Variants in TMCO4 observed in about 807,000 individuals in gnomAD.
The protein encoded by TMCO4 is transmembrane and coiled-coil domain-containing protein 4.
A neutral mutation model predicts 64.7 loss-of-function variants in TMCO4; 58 were observed. The observed-to-expected ratio is 0.90, with a 90% CI of 0.73 to 1.12. The LOEUF is 1.12. Ranked by LOEUF, TMCO4 falls within the 50% of genes most tolerant of loss-of-function variation. The probability of loss-of-function intolerance (pLI) is 0.00; values close to 1 mark genes in which losing one functional copy is unlikely to be tolerated. For missense variants in TMCO4, 780 were observed against 825.9 expected, an observed-to-expected ratio of 0.94 and a Z score of 0.68; for synonymous variants, 325 against 346.1, an observed-to-expected ratio of 0.94 and a Z score of 0.68.
At chr1:19,691,558 C>G (rs11581012) in intron 15 of TMCO4, among the ~76,000 whole-genome samples, 96,755 of 152,116 alleles carry the variant, frequency 0.64, 31,089 homozygotes, top group Non-Finnish European at 0.66. Context: ...TGTGGTGGCA[C>G]GGGTGGGTCT....
At chr1:19,790,441 G>C (rs562288494) in intron 2 of TMCO4, among the ~76,000 whole-genome samples, 2 of 152,030 alleles carry the variant, frequency 1.3e-5, no homozygotes, top group South Asian at 4.2e-4. Flanking sequence ...CTAATATCAA[G>C]GAACTTAAGC....
At position 19,734,912 on chromosome 1, in the gene TMCO4, T is replaced by G. The variant is rs1231806620; in HGVS notation, c.1264+2460A>C. On this transcript the variant is annotated intron_variant, in intron 13 of 15. Coordinates refer to ENST00000294543, the MANE Select transcript of TMCO4 (RefSeq NM_181719.7). The surrounding 1 kb of genome is among the most constrained non-coding windows in gnomAD (Gnocchi z 4.4). Reference sequence around the variant, plus strand: ...CAGTGAGGGAGGAATGTGATCACACTTGCAAGTGCTTGGAACACAGCCTGG... The same window carrying G: ...CAGTGAGGGAGGAATGTGATCACACGTGCAAGTGCTTGGAACACAGCCTGG... Among the ~76,000 whole-genome samples the G allele has an allele frequency of 6.6e-6, 1 of 152,066 alleles. No homozygotes were observed. The highest frequency in any genetic ancestry group is 2.4e-5 in the African/African-American group (1 of 41,406).
intron 2 of TMCO4, among the ~76,000 whole-genome samples, chr1:19,788,275 G>T (rs116630321): frequency 0.023 from 3,540 of 152,248 alleles, 142 homozygotes; most frequent in African/African-American, 0.081. Context: ...TGGAAGAACA[G>T]CCTCCAAAAT....
chr1:19,762,673 C>T (rs536790199), intron 6 of TMCO4, among the ~76,000 whole-genome samples: 1 of 152,382 alleles, frequency 6.6e-6, no homozygotes, highest in South Asian at 2.1e-4. Context: ...TGCACCCACA[C>T]AGGTTGTGAT....
intron 2 of TMCO4, among the ~76,000 whole-genome samples, chr1:19,791,960 C>A (rs1487080593): frequency 6.6e-6 from 1 of 152,132 alleles, no homozygotes; most frequent in African/African-American, 2.4e-5. Flanking sequence ...GTGAGTCTTT[C>A]CTGTGCTATT....
intron 6 of TMCO4, among the ~76,000 whole-genome samples, chr1:19,768,967 C>T (rs2042865400): frequency 6.6e-6 from 1 of 152,170 alleles, no homozygotes; most frequent in African/African-American, 2.4e-5. Flanking sequence ...CAAGAATCCC[C>T]AAGGTAGGGT....
At chr1:19,731,586 G>C (rs896324830) in intron 13 of TMCO4, among the ~76,000 whole-genome samples, 11 of 152,228 alleles carry the variant, frequency 7.2e-5, no homozygotes, top group Non-Finnish European at 1.2e-4. Flanking sequence ...GAGCCCTGTG[G>C]CCCATCATCT....
intron 2 of TMCO4, among the ~76,000 whole-genome samples, chr1:19,791,141 A>C (rs1034482336): frequency 9.9e-5 from 15 of 152,064 alleles, no homozygotes; most frequent in African/African-American, 3.6e-4. Context: ...GAGAACACAC[A>C]CTGGGGCCTG....
intron 6 of TMCO4, among the ~76,000 whole-genome samples, chr1:19,768,839 A>G (rs532533513): frequency 1.9e-4 from 29 of 151,978 alleles, no homozygotes; most frequent in African/African-American, 6.8e-4. Context: ...GAGACTCTGT[A>G]TTTCTCACAA....
At chr1:19,716,861 C>T (rs533266459) in intron 13 of TMCO4, among the ~76,000 whole-genome samples, 2 of 152,214 alleles carry the variant, frequency 1.3e-5, no homozygotes, top group East Asian at 1.9e-4. Flanking sequence ...ATGCTGGAGC[C>T]GCCAGCCTCA....
intron 15 of TMCO4, among the ~76,000 whole-genome samples, chr1:19,684,525 C>T (rs1451819494): frequency 6.6e-6 from 1 of 152,182 alleles, no homozygotes. Context: ...TGGCTCTCAA[C>T]TTCCTCCGCT....
chr1:19,703,438 C>A (rs1557478790), intron 13 of TMCO4, among the ~76,000 whole-genome samples: 2 of 151,434 alleles, frequency 1.3e-5, no homozygotes, highest in Non-Finnish European at 2.9e-5. Flanking sequence ...TTTTTCTTTC[C>A]CTTCCCTTCC....
chr1:19,755,701 C>G lies in TMCO4; in HGVS notation c.448G>C (p.Glu150Gln). 6.2e-7 allele frequency: 1 copy of G among 1,614,138 alleles called. No individual in the cohort carries two copies. Among genetic ancestry groups the G allele is most frequent in the East Asian group, 2.2e-5 (1 of 44,878 alleles). ...ATCTCTTCAAGGACATCCAGCTCCT[C>G]CAAGGGCACTTGGAGCAGGGAGGTC... The part of the protein sequence containing the change: ...HMTSLLQVPL[E>Q]ELDVLEEMFL... Residue 150 changes from glutamate to glutamine, a missense_variant, in exon 7 of 16, where the codon GAG becomes CAG. Coordinates refer to ENST00000294543, the MANE Select transcript of TMCO4 (RefSeq NM_181719.7).
chr1:19,730,675 G>A (rs145120878), intron 13 of TMCO4, among the ~76,000 whole-genome samples: 22 of 152,330 alleles, frequency 1.4e-4, no homozygotes, highest in Middle Eastern at 3.4e-3. Flanking sequence ...GCCACCCCTG[G>A]TGTTTGCAGA....
At chr1:19,777,706 A>G (rs981549164) in intron 4 of TMCO4, among the ~76,000 whole-genome samples, 2 of 152,138 alleles carry the variant, frequency 1.3e-5, no homozygotes, top group Non-Finnish European at 2.9e-5. Flanking sequence ...TTGTTAAGTG[A>G]AAAAAACAAA....
At chr1:19,684,063 CTTTTTTTTTTTT>C (rs3048209) in intron 15 of TMCO4, among the ~76,000 whole-genome samples, 2 of 70,316 alleles carry the variant, frequency 2.8e-5, no homozygotes, top group East Asian at 4.6e-4. Flanking sequence ...TGCCCGGCAG[CTTTTTTTTTTTT>C]TTTTTTTTTT....
chr1:19,794,058 G>A (rs913381997), intron 2 of TMCO4, among the ~76,000 whole-genome samples: 2 of 151,690 alleles, frequency 1.3e-5, no homozygotes, highest in African/African-American at 2.4e-5. Context: ...CACCCCTGCC[G>A]CCTCTCCCAT....
At chr1:19,741,165 C>A (rs2095477508) in intron 10 of TMCO4, among the ~76,000 whole-genome samples, 1 of 152,210 alleles carries the variant, frequency 6.6e-6, no homozygotes, top group South Asian at 2.1e-4. Context: ...TCACTAGAAG[C>A]CAGGTGACCC....
At chr1:19,708,585 A>G (rs1422840188) in intron 13 of TMCO4, among the ~76,000 whole-genome samples, 5 of 152,202 alleles carry the variant, frequency 3.3e-5, no homozygotes, top group Non-Finnish European at 5.9e-5. Flanking sequence ...ACACTTTCGG[A>G]CAGTGTGGGG....
Sources: gnomAD v4.1 joint callset for allele counts (sites outside exome capture counted in the v4.1 genomes callset) on GRCh38, gnomAD v4.1.1 for gene constraint, Gnocchi (gnomAD v3.1) non-coding constraint, MANE v1.5 for transcripts, NCBI Gene and HGNC (gene_info 2026-07-23, HGNC 2026-07-21) for gene names.